Variants in TRRAP observed in about 807,000 individuals in gnomAD.
The protein encoded by TRRAP is transformation/transcription domain associated protein, also known as transformation/transcription domain-associated protein.
In TRRAP, 41 loss-of-function variants were observed where a neutral mutation model predicts 438.8. The observed-to-expected ratio is 0.09, with a 90% CI of 0.07 to 0.12. TRRAP has a LOEUF of 0.12. TRRAP is among the 10% of genes least tolerant of loss of function. The pLI, the probability that TRRAP is intolerant of heterozygous loss-of-function variation, is 1.00. For synonymous variants in TRRAP, 1,994 were observed against 1,962.9 expected (o/e 1.02, Z -0.42); for missense variants, 3,122 against 5,055.1 (o/e 0.62, Z 11.60).
chr7:98,995,014 C>T (rs370547614), intron 67 of TRRAP, among the ~76,000 whole-genome samples, 166 bp downstream of exon 67: 8 of 152,338 alleles, frequency 5.3e-5, no homozygotes, highest in African/African-American at 1.9e-4. Context: ...GCTGAGACCA[C>T]ATGTTTTTCT....
chr7:98,959,573 T>G (rs1334973610), intron 45 of TRRAP, 83 bp downstream of exon 45: 2 of 1,547,666 alleles, frequency 1.3e-6, no homozygotes, highest in East Asian at 4.5e-5. Context: ...ACTGGACATT[T>G]GTGGATCACT....
At position 98,956,119 on chromosome 7, in the gene TRRAP, G is replaced by T; in HGVS notation, c.5938-27G>T. 1.3e-6 allele frequency: 2 copies of T among 1,576,552 alleles called. No homozygotes were observed. The highest frequency in any genetic ancestry group is 8.6e-7 in the Non-Finnish European group (1 of 1,162,212). On this transcript the variant is annotated intron_variant, in intron 41 of 72. Coordinates refer to ENST00000456197, the MANE Select transcript of TRRAP (RefSeq NM_001375524.1). The surrounding 1 kb of genome is among the most constrained non-coding windows in gnomAD (Gnocchi z 4.5). ...CTGTGGGACCAAGCTCCCATGTTCC[G>T]GCGTGATGCTGGCCCTGCGTCCGCA... is the stretch of plus-strand genomic sequence containing the variant.
intron 67 of TRRAP, among the ~76,000 whole-genome samples, chr7:98,997,482 G>GAAAAAAAA (rs1562977777): frequency 1.0e-4 from 4 of 39,298 alleles, no homozygotes; most frequent in African/African-American, 4.3e-4. Flanking sequence ...CACTGCTGTT[G>GAAAAAAAA]CAAAAAAAAA....
intron 48 of TRRAP, among the ~76,000 whole-genome samples, chr7:98,965,134 G>A (rs1394226594): frequency 6.6e-6 from 1 of 152,232 alleles, no homozygotes; most frequent in African/African-American, 2.4e-5. Flanking sequence ...ACGTGTGCAT[G>A]CGTGTGCATG....
chr7:98,931,932 AT>A (rs1417464771), intron 26 of TRRAP, among the ~76,000 whole-genome samples: 4 of 145,262 alleles, frequency 2.8e-5, no homozygotes, highest in Non-Finnish European at 4.6e-5. Flanking sequence ...TTTTATTTTC[AT>A]TTTTTTTTTG....
chr7:98,900,669 T>G lies in TRRAP; in HGVS notation c.846T>G (p.Ala282=), dbSNP rs1554406528. The G allele has an allele frequency of 1.1e-5, 17 of 1,613,640 alleles. No homozygotes were observed. The highest frequency in any genetic ancestry group is 1.4e-5 in the Non-Finnish European group (16 of 1,179,994). Residue 282 remains alanine, a synonymous_variant, in exon 11 of 73, where the codon GCT becomes GCG. Transcript: ENST00000456197. ...YNKELYADFI[A]AQIKTLSFLA... ...AGGAGTTGTATGCTGACTTCATTGC[T>G]GCTCAGATTAAAACATTGTCATTTT...
chr7:98,899,632 C>G, intron 9 of TRRAP, 47 bp from the exon 10 acceptor site: 1 of 1,611,022 alleles, frequency 6.2e-7, no homozygotes, highest in South Asian at 1.1e-5. Flanking sequence ...GATTTTGTCG[C>G]CATAGCAGAG....
intron 24 of TRRAP, among the ~76,000 whole-genome samples, chr7:98,930,425 A>G (rs1273201533): frequency 6.6e-6 from 1 of 152,202 alleles, no homozygotes; most frequent in Non-Finnish European, 1.5e-5. Context: ...AAAAATAAAA[A>G]AAATTAGCCA....
chr7:99,002,133 G>A (rs1332233826), intron 67 of TRRAP, among the ~76,000 whole-genome samples: 2 of 144,648 alleles, frequency 1.4e-5, no homozygotes. Flanking sequence ...GGGGGGGTGG[G>A]GTGGTGGGGG....
At chr7:98,900,120 C>A (rs765470739) in intron 10 of TRRAP, among the ~76,000 whole-genome samples, 2 of 151,934 alleles carry the variant, frequency 1.3e-5, no homozygotes, top group South Asian at 4.1e-4. Flanking sequence ...ACCCTCAGTT[C>A]CCCATCAGCC....
chr7:98,893,242 G>A (rs782569954), intron 5 of TRRAP, among the ~76,000 whole-genome samples: 3 of 152,232 alleles, frequency 2.0e-5, no homozygotes, highest in South Asian at 4.1e-4. Flanking sequence ...GAGCCACCTC[G>A]CCCAGCCCTC....
Position 98,937,144 on chromosome 7 carries a change from C to A in TRRAP, c.4112-12C>A. 1 of 1,591,544 alleles carries A rather than the reference C, an allele frequency of 6.3e-7. No individual in the cohort carries two copies. Among genetic ancestry groups the A allele is most frequent in the Non-Finnish European group, 8.5e-7 (1 of 1,172,460 alleles). On this transcript the variant is annotated splice_polypyrimidine_tract_variant and intron_variant, in intron 28 of 72. Coordinates refer to ENST00000456197, the MANE Select transcript of TRRAP (RefSeq NM_001375524.1). ...GTTAATAATGGAATTGTCTTGATTT[C>A]TCTCCCTGAAGATGCACTTGCTGCC... is the stretch of plus-strand genomic sequence containing the variant.
At chr7:98,933,572 G>A (rs571552615) in intron 27 of TRRAP, among the ~76,000 whole-genome samples, 170 bp downstream of exon 27, 2 of 152,324 alleles carry the variant, frequency 1.3e-5, no homozygotes, top group South Asian at 4.1e-4. Flanking sequence ...TTGCGTCTGG[G>A]CTCGGGCGGA....
intron 19 of TRRAP, 63 bp from the exon 20 acceptor site, chr7:98,917,359 GT>G: frequency 6.4e-7 from 1 of 1,574,616 alleles, no homozygotes; most frequent in South Asian, 1.2e-5. Flanking sequence ...TCTTTTGTGT[GT>G]TTCACCTGGG....
At position 99,011,040 on chromosome 7, in the gene TRRAP, G is replaced by T. The variant is rs370567545; in HGVS notation, c.10939-12G>T. On this transcript the variant is annotated splice_polypyrimidine_tract_variant and intron_variant, in intron 70 of 72. Transcript: ENST00000456197. This position sits in a 1 kb window ranked among gnomAD's most constrained non-coding sequence, Gnocchi z 7.1. ...GAGTGAGATGGGAGTGTCACGGAGCGCTGTGTTTCAGGTCCTCCGCGACAT... is the reference window on the plus strand; with the variant it reads ...GAGTGAGATGGGAGTGTCACGGAGCTCTGTGTTTCAGGTCCTCCGCGACAT... 1 of 1,608,140 alleles carries T rather than the reference G, an allele frequency of 6.2e-7. No individual in the cohort carries two copies. Among genetic ancestry groups the T allele is most frequent in the Non-Finnish European group, 8.5e-7 (1 of 1,175,342 alleles).
chr7:98,896,754 T>G (rs1374104787), intron 7 of TRRAP, among the ~76,000 whole-genome samples: 1 of 152,164 alleles, frequency 6.6e-6, no homozygotes, highest in East Asian at 1.9e-4. Flanking sequence ...TTTTTGGCAT[T>G]TAAAGGATTT....
intron 1 of TRRAP, among the ~76,000 whole-genome samples, chr7:98,880,015 A>G (rs782670229): frequency 3.9e-5 from 6 of 152,180 alleles, no homozygotes; most frequent in African/African-American, 7.2e-5. Flanking sequence ...CACCTGTTAA[A>G]ATAGAAACCA....
intron 23 of TRRAP, among the ~76,000 whole-genome samples, chr7:98,929,064 G>C (rs1790200605): frequency 6.6e-6 from 1 of 151,832 alleles, no homozygotes; most frequent in Non-Finnish European, 1.5e-5. Flanking sequence ...CACCCCTCCT[G>C]AGTAGCTGGG....
At chr7:98,902,243 G>A (rs1796504558) in intron 11 of TRRAP, among the ~76,000 whole-genome samples, 1 of 152,052 alleles carries the variant, frequency 6.6e-6, no homozygotes, top group South Asian at 2.1e-4. Flanking sequence ...AGAAGTTCTG[G>A]GTGCTTTTCT....
Sources: allele counts gnomAD v4.1 joint callset (sites outside exome capture counted in the v4.1 genomes callset), GRCh38; gene constraint gnomAD v4.1.1; non-coding constraint Gnocchi (gnomAD v3.1); transcripts MANE v1.5; gene names NCBI Gene and HGNC (gene_info 2026-07-23, HGNC 2026-07-21).